The following CSNK1G3 variants were observed in gnomAD, a reference collection of about 807,000 sequenced individuals.
CSNK1G3 encodes the protein casein kinase 1 gamma 3.
A neutral mutation model predicts 64.3 loss-of-function variants in CSNK1G3; 23 were observed. That is an observed-to-expected ratio of 0.36 (90% CI 0.26 to 0.51). The LOEUF is 0.51. Among genes scored for constraint, CSNK1G3 ranks in the 20% least tolerant of loss-of-function variants. The pLI, the probability that CSNK1G3 is intolerant of heterozygous loss-of-function variation, is 0.96. For missense variants in CSNK1G3, 357 were observed against 510.5 expected (o/e 0.70, Z 2.90); for synonymous variants, 158 against 162.2 (o/e 0.97, Z 0.20).
exon 2 of CSNK1G3, chr5:123,545,747 A>G: frequency 6.2e-7 from 1 of 1,613,720 alleles, no homozygotes; most frequent in African/African-American, 1.3e-5. Flanking sequence ...ACACTCGAGG[A>G]ACTGGGTCTT....
chr5:123,598,758 A>G (rs1793902723), intron 10 of CSNK1G3, among the ~76,000 whole-genome samples: 1 of 152,130 alleles, frequency 6.6e-6, no homozygotes, highest in African/African-American at 2.4e-5. Context: ...ATGGGTAGCC[A>G]TAAGGGGGAT....
chr5:123,603,428 T>C (rs1446417728), intron 10 of CSNK1G3, among the ~76,000 whole-genome samples: 3 of 152,130 alleles, frequency 2.0e-5, no homozygotes, highest in Non-Finnish European at 4.4e-5. Context: ...TTTCAACGTA[T>C]ATTTATTGAG....
chr5:123,547,416 A>G (rs779304198), intron 2 of CSNK1G3, among the ~76,000 whole-genome samples: 1 of 152,120 alleles, frequency 6.6e-6, no homozygotes, highest in South Asian at 2.1e-4. Context: ...ACACACATAT[A>G]TACACACACG....
At chr5:123,595,866 C>T (rs546634545) in intron 10 of CSNK1G3, among the ~76,000 whole-genome samples, 3 of 152,062 alleles carry the variant, frequency 2.0e-5, no homozygotes, top group Admixed American at 6.6e-5. Flanking sequence ...TGCTGAGTCT[C>T]GTATTGTCTT....
chr5:123,604,656 ATATG>A, intron 10 of CSNK1G3, 64 bp from the exon 12 acceptor site: 1 of 734,702 alleles, frequency 1.4e-6, no homozygotes, highest in Non-Finnish European at 2.3e-6. Context: ...AACCTATTTA[ATATG>A]TATGTATATT....
At chr5:123,578,359 G>A (rs1342907886) in intron 6 of CSNK1G3, among the ~76,000 whole-genome samples, 1 of 151,730 alleles carries the variant, frequency 6.6e-6, no homozygotes, top group Non-Finnish European at 1.5e-5. Context: ...AGCTATTCTA[G>A]TGGCCAAGGG....
chr5:123,512,887 C>T (rs914793075), intron 1 of CSNK1G3, among the ~76,000 whole-genome samples: 2 of 151,602 alleles, frequency 1.3e-5, no homozygotes, highest in Admixed American at 1.3e-4. Flanking sequence ...ACTGGGGCGG[C>T]GAGGGAGGTG....
intron 1 of CSNK1G3, among the ~76,000 whole-genome samples, chr5:123,536,722 T>C (rs1461579041): frequency 1.3e-5 from 2 of 152,038 alleles, no homozygotes; most frequent in Non-Finnish European, 2.9e-5. Context: ...ATTAAGTTCA[T>C]TAATTGTTAA....
At chr5:123,561,042 GA>G (rs1159826438) in intron 4 of CSNK1G3, among the ~76,000 whole-genome samples, 1 of 152,078 alleles carries the variant, frequency 6.6e-6, no homozygotes, top group African/African-American at 2.4e-5. Flanking sequence ...GGGTATCTGT[GA>G]AAAAATATAC....
At chr5:123,520,073 CAAT>C (rs1713052730) in intron 1 of CSNK1G3, among the ~76,000 whole-genome samples, 2 of 152,078 alleles carry the variant, frequency 1.3e-5, no homozygotes, top group South Asian at 4.1e-4. Context: ...CAGTCAACAA[CAAT>C]GACAACATCA....
chr5:123,526,083 G>A (rs969998227), intron 1 of CSNK1G3, among the ~76,000 whole-genome samples: 1 of 151,958 alleles, frequency 6.6e-6, no homozygotes, highest in African/African-American at 2.4e-5. Flanking sequence ...TGTTGCCCAG[G>A]CTGGGGTGCA....
At chr5:123,588,308 C>A in intron 7 of CSNK1G3, 119 bp from the exon 8 acceptor site, 1 of 1,045,284 alleles carries the variant, frequency 9.6e-7, no homozygotes, top group Non-Finnish European at 1.5e-6. Context: ...AACTCCTGGG[C>A]TCAAGCATTC....
At chr5:123,596,228 A>C (rs1331846590) in intron 10 of CSNK1G3, among the ~76,000 whole-genome samples, 1 of 152,018 alleles carries the variant, frequency 6.6e-6, no homozygotes, top group Admixed American at 6.6e-5. Context: ...AATTTTCAGT[A>C]ATGTGTGGTA....
chr5:123,570,400 C>CT (rs1561541904), intron 4 of CSNK1G3, among the ~76,000 whole-genome samples: 1 of 142,608 alleles, frequency 7.0e-6, no homozygotes, highest in African/African-American at 2.7e-5. Context: ...GTCAGCCAGG[C>CT]TGGAGTGCAG....
At chr5:123,614,554 C>A in exon 13 of CSNK1G3, 11 of 511,432 alleles carry the variant, frequency 2.2e-5, no homozygotes, top group South Asian at 4.3e-5. Context: ...GTCTTACATT[C>A]TTTTTCTTTT....
chr5:123,599,225 T>C (rs1421806845), intron 10 of CSNK1G3, among the ~76,000 whole-genome samples: 1 of 152,204 alleles, frequency 6.6e-6, no homozygotes, highest in East Asian at 1.9e-4. Context: ...TTTTACATGG[T>C]TGTACTATGT....
chr5:123,517,521 A>AG (rs908288013), intron 1 of CSNK1G3, among the ~76,000 whole-genome samples: 2 of 152,152 alleles, frequency 1.3e-5, no homozygotes, highest in Non-Finnish European at 2.9e-5. Flanking sequence ...TTAAATGATT[A>AG]GGGAAAAAAA....
chr5:123,532,234 A>T (rs1404803870), intron 1 of CSNK1G3, among the ~76,000 whole-genome samples: 1 of 151,822 alleles, frequency 6.6e-6, no homozygotes, highest in Non-Finnish European at 1.5e-5. Flanking sequence ...ATTTGCTTTG[A>T]ATGGGTACTG....
At chr5:123,527,207 C>G (rs1028749914) in intron 1 of CSNK1G3, among the ~76,000 whole-genome samples, 1 of 152,132 alleles carries the variant, frequency 6.6e-6, no homozygotes, top group African/African-American at 2.4e-5. Context: ...TCAATGAATG[C>G]AATCTTCATT....
Sources: allele counts gnomAD v4.1 joint callset (sites outside exome capture counted in the v4.1 genomes callset), GRCh38; gene constraint gnomAD v4.1.1; transcripts MANE v1.5; gene names NCBI Gene and HGNC (gene_info 2026-07-23, HGNC 2026-07-21).